SMOC2: variants seen among roughly 807,000 people sequenced by gnomAD.
The protein encoded by SMOC2 is SPARC related modular calcium binding 2.
Under a neutral mutation model 61.4 loss-of-function variants are expected in SMOC2, and 39 were observed. The ratio of observed to expected loss-of-function variants is 0.64; its 90% CI spans 0.49 to 0.83. The LOEUF is 0.83. Ranked by LOEUF, SMOC2 falls within the 40% of genes least tolerant of loss-of-function variation. The pLI is 0.00. For synonymous variants in SMOC2, 247 were observed against 239.9 expected (o/e 1.03, Z -0.27); for missense variants, 556 against 592.9 (o/e 0.94, Z 0.65).
intron 4 of SMOC2, among the ~76,000 whole-genome samples, chr6:168,538,837 G>A (rs1032622444): frequency 3.3e-5 from 5 of 152,052 alleles, no homozygotes; most frequent in Admixed American, 1.3e-4. Context: ...CTGGGGGAGT[G>A]GGGTGACCCC....
intron 9 of SMOC2, among the ~76,000 whole-genome samples, chr6:168,622,158 G>A (rs1310534414): frequency 2.0e-5 from 3 of 152,016 alleles, no homozygotes; most frequent in Non-Finnish European, 4.4e-5. Context: ...AGTAGAGACG[G>A]GGTTTCACCG....
At chr6:168,539,047 G>T (rs1783817186) in intron 4 of SMOC2, among the ~76,000 whole-genome samples, 1 of 152,064 alleles carries the variant, frequency 6.6e-6, no homozygotes. Context: ...TTCGCTTTGG[G>T]CAGTGCTCAG....
At chr6:168,443,635 G>A (rs559325421) in intron 1 of SMOC2, among the ~76,000 whole-genome samples, 1 of 152,332 alleles carries the variant, frequency 6.6e-6, no homozygotes, top group African/African-American at 2.4e-5. Context: ...AAATCTGACT[G>A]GTCGCTGGGA....
intron 1 of SMOC2, among the ~76,000 whole-genome samples, chr6:168,485,736 T>G (rs1180279559): frequency 6.6e-6 from 1 of 152,042 alleles, no homozygotes; most frequent in African/African-American, 2.4e-5. Context: ...TGAAAAAAAT[T>G]TTAATATCGA....
At position 168,523,098 on chromosome 6, in the gene SMOC2, T is replaced by TTTTTTTTTTTTTTTG. The variant is rs1562569015; in HGVS notation, c.257-3247_257-3246insTTTTTTTTTTTTTGT. Among the ~76,000 whole-genome samples, 13 of 117,528 alleles carry TTTTTTTTTTTTTTTG rather than the reference T, an allele frequency of 1.1e-4. 1 individual carries two copies. The highest frequency in any genetic ancestry group is 2.2e-4 in the Non-Finnish European group (11 of 50,370). 77.1% of individuals were successfully genotyped at this position (117,528 alleles called of 152,430 possible). A position where few individuals can be genotyped will look rare whatever the true frequency, so the allele number is the denominator to read the frequency against. Reference sequence around the variant, plus strand: ...ACAGTAATTTTTTTTTTTTTTTTTTTTGAGACGGAGTCTCGCTCTGTCGCC... The same window carrying TTTTTTTTTTTTTTTG: ...ACAGTAATTTTTTTTTTTTTTTTTTTTTTTTTTTTTTTTTGTGAGACGGAGTCTCGCTCTGTCGCC... On this transcript the variant is annotated intron_variant, in intron 2 of 12. Coordinates refer to ENST00000356284, the MANE Select transcript of SMOC2 (RefSeq NM_001166412.2).
intron 7 of SMOC2, among the ~76,000 whole-genome samples, chr6:168,569,761 T>C (rs1784623432): frequency 6.6e-6 from 1 of 152,226 alleles, no homozygotes; most frequent in Non-Finnish European, 1.5e-5. Flanking sequence ...AAGTAATTTT[T>C]CAGATGTGTG....
intron 2 of SMOC2, among the ~76,000 whole-genome samples, chr6:168,517,542 C>G (rs1261538157): frequency 6.6e-6 from 1 of 152,218 alleles, no homozygotes; most frequent in Non-Finnish European, 1.5e-5. Context: ...GCAGCGACAG[C>G]TCTCGGGCTC....
At chr6:168,524,812 T>C (rs955346122) in intron 2 of SMOC2, among the ~76,000 whole-genome samples, 2 of 152,228 alleles carry the variant, frequency 1.3e-5, no homozygotes, top group African/African-American at 4.8e-5. Context: ...TGCTCAGATG[T>C]GTAGGCCCGT....
intron 4 of SMOC2, among the ~76,000 whole-genome samples, chr6:168,540,998 C>A (rs1389054382): frequency 1.3e-5 from 2 of 152,232 alleles, no homozygotes; most frequent in African/African-American, 4.8e-5. Flanking sequence ...ACCGTTCCCT[C>A]CACTGGGCTG....
At chr6:168,539,528 CA>C (rs747187543) in intron 4 of SMOC2, among the ~76,000 whole-genome samples, 48 of 152,238 alleles carry the variant, frequency 3.2e-4, no homozygotes, top group Non-Finnish European at 6.2e-4. Context: ...CCTCACAGGC[CA>C]CACTGTGCAT....
chr6:168,514,868 A>G (rs1163324847), intron 2 of SMOC2, among the ~76,000 whole-genome samples: 1 of 152,076 alleles, frequency 6.6e-6, no homozygotes, highest in African/African-American at 2.4e-5. Flanking sequence ...TTCTTAGACA[A>G]AGGAGGGAGG....
rs1405278244 is a variant in SMOC2 at position 168,665,557 on chromosome 6, T to A, written c.1324-864T>A. 2.0e-5 allele frequency among the ~76,000 whole-genome samples: 3 copies of A among 152,264 alleles called. No individual in the cohort carries two copies. In the South Asian group the frequency reaches 6.2e-4, roughly 31 times the overall value. ...ATGCTAATGTGGAATCCAGAGGAGCTCTTTCCTGATCTCTTCAGCTTCCGC... is the reference window on the plus strand; with the variant it reads ...ATGCTAATGTGGAATCCAGAGGAGCACTTTCCTGATCTCTTCAGCTTCCGC... On this transcript the variant is annotated intron_variant, in intron 12 of 12. Coordinates refer to ENST00000356284, the MANE Select transcript of SMOC2 (RefSeq NM_001166412.2).
At chr6:168,616,961 A>T (rs1786111102) in intron 9 of SMOC2, among the ~76,000 whole-genome samples, 1 of 152,212 alleles carries the variant, frequency 6.6e-6, no homozygotes, top group Non-Finnish European at 1.5e-5. Flanking sequence ...AGGTGAAGTG[A>T]GCGTTTCACT....
At chr6:168,623,326 TTAA>T (rs1276670057) in intron 9 of SMOC2, among the ~76,000 whole-genome samples, 1 of 85,452 alleles carries the variant, frequency 1.2e-5, no homozygotes, top group African/African-American at 4.3e-5. Context: ...ACATGGATAA[TTAA>T]TTTTTTTTTT....
intron 1 of SMOC2, among the ~76,000 whole-genome samples, chr6:168,464,632 T>C (rs1196271280): frequency 1.3e-5 from 2 of 151,988 alleles, no homozygotes; most frequent in African/African-American, 4.8e-5. Flanking sequence ...TCAACTATGG[T>C]AGTATTTCCA....
At chr6:168,645,412 C>T (rs1163323825) in intron 9 of SMOC2, among the ~76,000 whole-genome samples, 1 of 152,180 alleles carries the variant, frequency 6.6e-6, no homozygotes, top group Non-Finnish European at 1.5e-5. Context: ...ACAGAGAAAC[C>T]TCTGCCTTAT....
intron 9 of SMOC2, among the ~76,000 whole-genome samples, chr6:168,641,804 T>G (rs1786896924): frequency 6.6e-6 from 1 of 152,210 alleles, no homozygotes. Context: ...AGGCACTGAC[T>G]TCTAACCAAG....
chr6:168,628,061 C>T (rs925826499), intron 9 of SMOC2, among the ~76,000 whole-genome samples: 3 of 152,192 alleles, frequency 2.0e-5, no homozygotes, highest in African/African-American at 7.2e-5. Context: ...GTTTCACAAC[C>T]ACCTTCCTCA....
At chr6:168,604,153 G>T (rs889349590) in intron 8 of SMOC2, among the ~76,000 whole-genome samples, 1 of 152,172 alleles carries the variant, frequency 6.6e-6, no homozygotes, top group Non-Finnish European at 1.5e-5. Context: ...TTGGTCACAG[G>T]ATGGCTGCAA....
Sources: allele counts gnomAD v4.1 joint callset (sites outside exome capture counted in the v4.1 genomes callset), GRCh38; gene constraint gnomAD v4.1.1; transcripts MANE v1.5; gene names NCBI Gene and HGNC (gene_info 2026-07-23, HGNC 2026-07-21).